The following DPP10 variants were observed in gnomAD, a reference collection of about 807,000 sequenced individuals.
DPP10 encodes dipeptidyl peptidase like 10.
Under a neutral mutation model 120.9 loss-of-function variants are expected in DPP10, and 33 were observed. That is an observed-to-expected ratio of 0.27 (90% confidence interval 0.21 to 0.37). The LOEUF (loss-of-function observed/expected upper bound fraction) is 0.37, where lower values mean the gene tolerates loss of function less well. Among genes scored for constraint, DPP10 ranks in the 10% least tolerant of loss-of-function variants. The pLI, the probability that DPP10 is intolerant of heterozygous loss-of-function variation, is 1.00. For synonymous variants in DPP10, 337 were observed against 326.1 expected (o/e 1.03, Z -0.36); for missense variants, 816 against 942.8 (o/e 0.87, Z 1.76).
chr2:115,729,711 A>G (rs1293880204), intron 8 of DPP10, among the ~76,000 whole-genome samples: 2 of 152,290 alleles, frequency 1.3e-5, no homozygotes, highest in East Asian at 3.9e-4. Context: ...GGAGTTGAAG[A>G]CTGCAATGAG....
intron 1 of DPP10, among the ~76,000 whole-genome samples, chr2:115,081,095 T>C (rs1355931809): frequency 6.6e-6 from 1 of 152,196 alleles, no homozygotes; most frequent in Non-Finnish European, 1.5e-5. Context: ...TGTAACATAT[T>C]TAGTTGCAGA....
chr2:115,163,025 A>G (rs773008980), intron 1 of DPP10, among the ~76,000 whole-genome samples: 61 of 152,160 alleles, frequency 4.0e-4, no homozygotes, highest in Middle Eastern at 6.8e-3. Context: ...GTCAGGGATT[A>G]ACTGTGGACC....
intron 8 of DPP10, among the ~76,000 whole-genome samples, chr2:115,736,379 A>G (rs1265943302): frequency 6.6e-6 from 1 of 152,172 alleles, no homozygotes; most frequent in African/African-American, 2.4e-5. Context: ...TTACTCCTCT[A>G]TCAATCCAAG....
At chr2:115,566,112 A>G (rs2080995099) in intron 5 of DPP10, among the ~76,000 whole-genome samples, 1 of 152,240 alleles carries the variant, frequency 6.6e-6, no homozygotes, top group South Asian at 2.1e-4. Flanking sequence ...TGACAATAAT[A>G]CTATCGAAGT....
Position 114,662,188 on chromosome 2 carries a change from A to AG in DPP10, c.60+219355dup, listed in dbSNP as rs796474508. 6.1e-4 allele frequency among the ~76,000 whole-genome samples: 93 copies of AG among 152,190 alleles called. 2 individuals carry two copies. The highest frequency in any genetic ancestry group is 2.2e-3 in the African/African-American group (92 of 41,562). On this transcript the variant is annotated intron_variant, in intron 1 of 25. Coordinates refer to ENST00000410059, the MANE Select transcript of DPP10 (RefSeq NM_020868.6). ...CGAACGGTGCGTGATGGAGGCTCCG[A>AG]GGGGGAGCGAGAGGCGGAGGTCGCA...
intron 1 of DPP10, among the ~76,000 whole-genome samples, chr2:114,830,498 C>T (rs1687001117): frequency 6.6e-6 from 1 of 152,178 alleles, no homozygotes; most frequent in Non-Finnish European, 1.5e-5. Flanking sequence ...CGTGTACTCT[C>T]TTAACTTCGC....
chr2:114,671,854 C>T (rs1698365990), intron 1 of DPP10, among the ~76,000 whole-genome samples: 1 of 152,068 alleles, frequency 6.6e-6, no homozygotes, highest in Non-Finnish European at 1.5e-5. Context: ...TAAGCATCTA[C>T]TAAAACTTTC....
chr2:114,499,172 A>C (rs1435738774), intron 1 of DPP10, among the ~76,000 whole-genome samples: 1 of 152,140 alleles, frequency 6.6e-6, no homozygotes, highest in Non-Finnish European at 1.5e-5. Context: ...GGCCAACTTC[A>C]TTCTCATGCT....
chr2:114,943,707 G>A (rs1190831558), intron 1 of DPP10, among the ~76,000 whole-genome samples: 1 of 152,140 alleles, frequency 6.6e-6, no homozygotes, highest in Non-Finnish European at 1.5e-5. Context: ...ATAATCCTTT[G>A]GGTATACTGT....
intron 2 of DPP10, among the ~76,000 whole-genome samples, chr2:115,318,421 A>G (rs906552820): frequency 2.0e-5 from 3 of 152,096 alleles, no homozygotes; most frequent in Non-Finnish European, 2.9e-5. Context: ...TCACAGTTCC[A>G]TATAAATTTG....
chr2:115,564,680 A>C (rs942334472), intron 5 of DPP10, among the ~76,000 whole-genome samples: 9 of 152,188 alleles, frequency 5.9e-5, no homozygotes, highest in Admixed American at 2.6e-4. Flanking sequence ...AGTGTTTTCA[A>C]TTGTTTTACT....
chr2:114,680,794 C>T (rs1463751834), intron 1 of DPP10, among the ~76,000 whole-genome samples: 1 of 151,872 alleles, frequency 6.6e-6, no homozygotes, highest in Non-Finnish European at 1.5e-5. Context: ...CAGATTACAA[C>T]TGAACTAAAA....
chr2:114,563,377 A>C (rs1318462734), intron 1 of DPP10, among the ~76,000 whole-genome samples: 2 of 152,148 alleles, frequency 1.3e-5, no homozygotes, highest in Non-Finnish European at 2.9e-5. Context: ...TCTCAAAAAA[A>C]AAAAAAAAAT....
intron 7 of DPP10, among the ~76,000 whole-genome samples, chr2:115,692,577 T>G (rs957640209): frequency 2.6e-5 from 4 of 152,060 alleles, no homozygotes; most frequent in African/African-American, 9.7e-5. Context: ...TAACTCTGAT[T>G]GGCCAACCCT....
chr2:115,494,325 A>G (rs983761851), intron 3 of DPP10, among the ~76,000 whole-genome samples: 6 of 152,212 alleles, frequency 3.9e-5, no homozygotes, highest in African/African-American at 1.4e-4. Flanking sequence ...TTTATAAAAC[A>G]GAGCTTCTCT....
intron 1 of DPP10, among the ~76,000 whole-genome samples, chr2:114,480,592 C>T (rs1197794463): frequency 6.6e-6 from 1 of 151,044 alleles, no homozygotes; most frequent in Non-Finnish European, 1.5e-5. Flanking sequence ...TCATTCTCAG[C>T]AAACTATCGC....
intron 1 of DPP10, among the ~76,000 whole-genome samples, chr2:115,303,505 T>C (rs932125242): frequency 2.0e-5 from 3 of 152,008 alleles, no homozygotes; most frequent in African/African-American, 7.2e-5. Context: ...TCATTCTAGA[T>C]TTTGTATAGT....
At chr2:114,798,908 C>T (rs1376814018) in intron 1 of DPP10, among the ~76,000 whole-genome samples, 1 of 152,152 alleles carries the variant, frequency 6.6e-6, no homozygotes, top group African/African-American at 2.4e-5. Flanking sequence ...GAGGGTGGAT[C>T]ACCTGAGGTC....
At chr2:115,401,422 A>AT (rs55836924) in intron 3 of DPP10, among the ~76,000 whole-genome samples, 3 of 152,044 alleles carry the variant, frequency 2.0e-5, no homozygotes, top group East Asian at 1.9e-4. Flanking sequence ...CTGCAAAAAC[A>AT]TTTTTTTAAA....
Sources: gnomAD v4.1 joint callset for allele counts (sites outside exome capture counted in the v4.1 genomes callset) on GRCh38, gnomAD v4.1.1 for gene constraint, MANE v1.5 for transcripts, NCBI Gene and HGNC (gene_info 2026-07-23, HGNC 2026-07-21) for gene names.